Variants in CUEDC1 observed in about 807,000 individuals in gnomAD.
CUEDC1 encodes CUE domain containing 1.
In CUEDC1, 30 loss-of-function variants were observed where a neutral mutation model predicts 43.7. That is an observed-to-expected ratio of 0.69 (90% CI 0.51 to 0.93). The LOEUF is 0.93. Among genes scored for constraint, CUEDC1 ranks in the 40% least tolerant of loss-of-function variants. The pLI is 0.00. For synonymous variants in CUEDC1, 223 were observed against 223.6 expected, an observed-to-expected ratio of 1.00 and a Z score of 0.02; for missense variants, 486 against 549.0, an observed-to-expected ratio of 0.89 and a Z score of 1.15.
rs2073879174 is a variant in CUEDC1, at chr17:57,861,817, C to T, written c.*1472G>A. 1.3e-5 allele frequency: 2 copies of T among 150,698 alleles called. No homozygotes were observed. Among genetic ancestry groups the T allele is most frequent in the East Asian group, 3.9e-4 (2 of 5,106 alleles). The allele number at this position is 150,698 out of a possible 1,614,324, so 9.3% of individuals were successfully genotyped here. ...ACTCCTCGGAGACCCCCCCCCCTCC[C>T]TCCAGGGCCCCAGGCCTGGCGCGGG... is the stretch of plus-strand genomic sequence containing the variant. On this transcript the variant is annotated 3_prime_UTR_variant, in exon 11 of 11. Coordinates refer to ENST00000577830, the MANE Select transcript of CUEDC1 (RefSeq NM_001271875.2).
rs1708202051 is a variant in CUEDC1 at position 57,863,223 on chromosome 17, G to C, written c.*66C>G. The C allele has an allele frequency of 1.3e-5, 2 of 152,674 alleles. No individual in the cohort carries two copies. The highest frequency in any genetic ancestry group is 4.8e-5 in the African/African-American group (2 of 41,456). The allele number at this position is 152,674 out of a possible 1,614,324, so 9.5% of individuals were successfully genotyped here. ...AGCTGGGCCCTTCAGCTGGGGGCCA[G>C]TGTTGCTTTCCAGCTGCCCCCACCG... is the stretch of plus-strand genomic sequence containing the variant. On this transcript the variant is annotated 3_prime_UTR_variant, in exon 11 of 11. Transcript: ENST00000577830.
At chr17:57,907,839 CAAA>C (rs869267040) in intron 1 of CUEDC1, among the ~76,000 whole-genome samples, 105 of 83,854 alleles carry the variant, frequency 1.3e-3, no homozygotes, top group African/African-American at 4.0e-3. Context: ...GAGTGAGACT[CAAA>C]AAAAAAAAAA....
At chr17:57,870,197 G>A (rs1389738903) in intron 6 of CUEDC1, among the ~76,000 whole-genome samples, 1 of 152,206 alleles carries the variant, frequency 6.6e-6, no homozygotes, top group African/African-American at 2.4e-5. Flanking sequence ...GGGGCAGGGG[G>A]CACTGACTGA....
At chr17:57,865,058 A>AAATG (rs140245915) in intron 10 of CUEDC1, among the ~76,000 whole-genome samples, 4,312 of 151,706 alleles carry the variant, frequency 0.028, 127 homozygotes, top group African/African-American at 0.079. Flanking sequence ...CTCTGTCTCA[A>AAATG]AATGAATGAA....
At chr17:57,920,926 C>T (rs2074692453) in intron 1 of CUEDC1, among the ~76,000 whole-genome samples, 1 of 152,094 alleles carries the variant, frequency 6.6e-6, no homozygotes, top group African/African-American at 2.4e-5. Context: ...TGTGAGCCAC[C>T]ATGCCCAGCT....
intron 1 of CUEDC1, among the ~76,000 whole-genome samples, chr17:57,889,969 A>T (rs180828870): frequency 1.1e-3 from 170 of 152,330 alleles, no homozygotes; most frequent in Middle Eastern, 3.4e-3. Flanking sequence ...CTCAAATGAA[A>T]AGCAGTTTAA....
In CUEDC1 at chr17:57,862,241, C is replaced by CA. The variant is rs745467915; in HGVS notation, c.*1047dup. On this transcript the variant is annotated 3_prime_UTR_variant, in exon 11 of 11. Transcript: ENST00000577830. Reference sequence around the variant, plus strand: ...AGTGCCGTGTAAGCGTTCCTAGAATCAGAGTTCTCCTCCTCAGATCACCCG... The same window carrying CA: ...AGTGCCGTGTAAGCGTTCCTAGAATCAAGAGTTCTCCTCCTCAGATCACCCG... 1.3e-5 allele frequency: 2 copies of CA among 152,506 alleles called. No homozygotes were observed. The highest frequency in any genetic ancestry group is 4.8e-5 in the African/African-American group (2 of 41,470). The allele number at this position is 152,506 out of a possible 1,614,324, so 9.4% of individuals were successfully genotyped here. A position where few individuals can be genotyped will look rare whatever the true frequency, so the allele number is the denominator to read the frequency against.
intron 1 of CUEDC1, among the ~76,000 whole-genome samples, chr17:57,941,701 T>G (rs1358411003): frequency 6.6e-6 from 1 of 152,254 alleles, no homozygotes; most frequent in East Asian, 1.9e-4. Context: ...TTGGCCAGGT[T>G]ACTTAACCCT....
At chr17:57,886,251 C>G in intron 1 of CUEDC1, among the ~76,000 whole-genome samples, 1 of 152,186 alleles carries the variant, frequency 6.6e-6, no homozygotes, top group East Asian at 1.9e-4. Flanking sequence ...ATATGGCCCT[C>G]AAGTCACTGG....
chr17:57,900,912 T>C (rs2074464517), intron 1 of CUEDC1, among the ~76,000 whole-genome samples: 1 of 152,250 alleles, frequency 6.6e-6, no homozygotes, highest in South Asian at 2.1e-4. Context: ...CTTTGCACTA[T>C]AGCAGGTGTA....
intron 1 of CUEDC1, among the ~76,000 whole-genome samples, chr17:57,890,371 T>C (rs932331010): frequency 4.6e-5 from 7 of 152,198 alleles, no homozygotes; most frequent in African/African-American, 1.7e-4. Context: ...CTCTGTGACC[T>C]TGGAGAAACC....
At chr17:57,879,759 A>G in intron 2 of CUEDC1, 21 bp from the exon 3 acceptor site, 1 of 1,588,154 alleles carries the variant, frequency 6.3e-7, no homozygotes, top group East Asian at 2.3e-5. Context: ...GGCAACAGAG[A>G]AAGAAATATT....
At chr17:57,922,207 G>A (rs1352994469) in intron 1 of CUEDC1, among the ~76,000 whole-genome samples, 2 of 152,180 alleles carry the variant, frequency 1.3e-5, no homozygotes, top group Non-Finnish European at 2.9e-5. Context: ...GAGGGATAAA[G>A]TGACTTGCTC....
chr17:57,890,959 T>C (rs1478154241), intron 1 of CUEDC1, among the ~76,000 whole-genome samples: 2 of 152,190 alleles, frequency 1.3e-5, no homozygotes, highest in African/African-American at 4.8e-5. Flanking sequence ...GGAGTATTAA[T>C]AGAACGTACA....
intron 10 of CUEDC1, among the ~76,000 whole-genome samples, chr17:57,864,022 G>GA (rs1182771652): frequency 7.0e-6 from 1 of 143,372 alleles, no homozygotes; most frequent in Non-Finnish European, 1.5e-5. Context: ...AAAAAAGAAA[G>GA]AAAAGAAAAA....
chr17:57,929,958 C>A (rs758405854), intron 1 of CUEDC1, among the ~76,000 whole-genome samples: 1 of 152,134 alleles, frequency 6.6e-6, no homozygotes, highest in African/African-American at 2.4e-5. Flanking sequence ...GGCACCACCA[C>A]GCCCAGCAAA....
intron 2 of CUEDC1, among the ~76,000 whole-genome samples, chr17:57,881,194 A>C (rs556247327): frequency 6.6e-6 from 1 of 152,364 alleles, no homozygotes; most frequent in South Asian, 2.1e-4. Context: ...ACACGCGCAC[A>C]TGCACACACA....
intron 1 of CUEDC1, among the ~76,000 whole-genome samples, chr17:57,897,654 GA>G (rs58748550): frequency 0.03 from 3,270 of 109,448 alleles, 84 homozygotes; most frequent in African/African-American, 0.082. Context: ...TGGTCTCAAT[GA>G]AAAAAAAAAA....
At chr17:57,871,180 C>A (rs576243431) in intron 6 of CUEDC1, 106 bp downstream of exon 6, 29 of 914,030 alleles carry the variant, frequency 3.2e-5, no homozygotes, top group Non-Finnish European at 5.3e-5. Flanking sequence ...CCCCCTCCCA[C>A]AATCTGTTTT....
Sources: gnomAD v4.1 joint callset for allele counts (sites outside exome capture counted in the v4.1 genomes callset) on GRCh38, gnomAD v4.1.1 for gene constraint, MANE v1.5 for transcripts, NCBI Gene and HGNC (gene_info 2026-07-23, HGNC 2026-07-21) for gene names.